Variants in IPO8 observed in about 807,000 individuals in gnomAD.
IPO8 encodes importin 8, also known as importin-8.
In IPO8, 65 loss-of-function variants were observed where a neutral mutation model predicts 141.2. That is an observed-to-expected ratio of 0.46 (90% CI 0.38 to 0.57). The LOEUF is 0.57. IPO8 is among the 20% of genes least tolerant of loss of function. IPO8 has a pLI of 0.00. For synonymous variants in IPO8, 411 were observed against 420.3 expected (o/e 0.98, Z 0.27); for missense variants, 980 against 1,246.8 (o/e 0.79, Z 3.22).
chr12:30,685,754 G>A (rs976449746), intron 2 of IPO8, among the ~76,000 whole-genome samples: 22 of 151,546 alleles, frequency 1.5e-4, no homozygotes, highest in African/African-American at 4.1e-4. Flanking sequence ...GTGAAACCCC[G>A]TCTCTACTAA....
intron 20 of IPO8, among the ~76,000 whole-genome samples, chr12:30,646,336 C>T (rs2052646323): frequency 6.6e-6 from 1 of 152,148 alleles, no homozygotes; most frequent in Non-Finnish European, 1.5e-5. Context: ...AAGTTAGCAA[C>T]AGTCAAGAAC....
intron 10 of IPO8, among the ~76,000 whole-genome samples, chr12:30,667,959 G>A (rs2052990574): frequency 6.6e-6 from 1 of 152,038 alleles, no homozygotes; most frequent in Non-Finnish European, 1.5e-5. Flanking sequence ...AATACAGGGA[G>A]ACCCTGTCTC....
intron 7 of IPO8, 43 bp from the exon 8 acceptor site, chr12:30,674,117 C>CA (rs1490298190): frequency 5.8e-6 from 7 of 1,205,166 alleles, no homozygotes; most frequent in Non-Finnish European, 8.5e-6. Context: ...GTGAATTTTA[C>CA]AAACAGCATG....
Position 30,663,526 on chromosome 12 carries a change from G to A in IPO8, c.1557C>T (p.Ala519=), listed in dbSNP as rs144184021. ...TAGAAATTAAAGACTGAAGAGCAAG[G>A]GCAGCTTCAACTTTGACAGGCATCT... ...DKEMPVKVEA[A]LALQSLISNQ... is the part of the protein sequence containing the mutation. The change falls in exon 14 of 25, where the codon GCC becomes GCT. Residue 519 remains alanine, a synonymous_variant. Coordinates refer to ENST00000256079, the MANE Select transcript of IPO8 (RefSeq NM_006390.4). The A allele has an allele frequency of 3.8e-4, 605 of 1,613,164 alleles. 3 individuals carry two copies. The East Asian group carries it at 0.013, about 34-fold the overall frequency.
At chr12:30,692,253 G>C (rs537672838) in intron 1 of IPO8, among the ~76,000 whole-genome samples, 1 of 152,266 alleles carries the variant, frequency 6.6e-6, no homozygotes, top group East Asian at 1.9e-4. Context: ...CTACTTATTT[G>C]AAAGTAATAT....
intron 20 of IPO8, among the ~76,000 whole-genome samples, chr12:30,642,424 C>A (rs1383626376): frequency 6.6e-6 from 1 of 151,706 alleles, no homozygotes; most frequent in African/African-American, 2.4e-5. Flanking sequence ...CATGTATCCC[C>A]CAAATCTAAA....
chr12:30,647,556 G>C (rs1196838548), intron 20 of IPO8, among the ~76,000 whole-genome samples: 1 of 117,866 alleles, frequency 8.5e-6, no homozygotes, highest in East Asian at 2.8e-4. Context: ...AGTGAGCCAA[G>C]ATTGTGCCAC....
intron 8 of IPO8, among the ~76,000 whole-genome samples, chr12:30,672,913 G>A (rs1218995952): frequency 6.6e-6 from 1 of 151,712 alleles, no homozygotes; most frequent in Non-Finnish European, 1.5e-5. Context: ...AAGACAACAG[G>A]TTCTAAGTAC....
chr12:30,680,424 T>A (rs550572910), intron 5 of IPO8, 58 bp downstream of exon 5: 1 of 1,360,986 alleles, frequency 7.3e-7, no homozygotes, highest in African/African-American at 1.5e-5. Flanking sequence ...TTGAGCACTT[T>A]CCATGTGTCA....
At position 30,662,672 on chromosome 12, in the gene IPO8, G is replaced by A. The variant is rs571615094; in HGVS notation, c.1595-185C>T. 2.3e-4 allele frequency: 142 copies of A among 616,736 alleles called. 2 individuals carry two copies. The South Asian group carries it at 2.6e-3, about 11-fold the overall frequency. The allele number at this position is 616,736 out of a possible 1,614,324, so 38.2% of individuals were successfully genotyped here. ...GTTCACCAATATATCAGTTTCCCAA[G>A]AGTAATATAAGGATAAGAAGTCCTG... On this transcript the variant is annotated intron_variant, in intron 14 of 24. Transcript: ENST00000256079.
intron 5 of IPO8, 38 bp from the exon 6 acceptor site, chr12:30,676,625 C>T (rs762438905): frequency 2.7e-5 from 39 of 1,447,406 alleles, no homozygotes; most frequent in Non-Finnish European, 3.5e-5. Context: ...GTAATTCCTC[C>T]CATCCAAAAA....
At chr12:30,672,151 G>A (rs2053060664) in intron 8 of IPO8, among the ~76,000 whole-genome samples, 1 of 152,152 alleles carries the variant, frequency 6.6e-6, no homozygotes, top group African/African-American at 2.4e-5. Flanking sequence ...ACTACAGTAA[G>A]TTGCCTTCCA....
chr12:30,653,075 G>T lies in IPO8; in HGVS notation c.1966C>A (p.Leu656Ile), dbSNP rs748079950. 4.4e-6 allele frequency: 7 copies of T among 1,608,110 alleles called. No homozygotes were observed. The Admixed American group carries it at 1.0e-4, about 24-fold the overall frequency. The change falls in exon 18 of 25, where the codon CTT becomes ATT. Residue 656 changes from leucine to isoleucine, a missense_variant. By Grantham distance (5) the Leu-to-Ile change is conservative. Coordinates refer to ENST00000256079, the MANE Select transcript of IPO8 (RefSeq NM_006390.4). ...KHVIEFYEEI[L>I]SLAYSLTCHS... ...CAGGTTAAACTGTATGCCAGGGAAA[G>T]AATTTCTTCATAGAATTCTAGAAGA...
Position 30,695,820 on chromosome 12 carries a change from C to T in IPO8, c.-173G>A. On this transcript the variant is annotated 5_prime_UTR_variant, in exon 1 of 25. Transcript: ENST00000256079. The surrounding 1 kb of genome is among the most constrained non-coding windows in gnomAD (Gnocchi z 4.2). ...CTGCGCCACTCTGACTCCGCGCCCC[C>T]TGTCCTCCCTTTTTCCCCCCCACAA... The T allele has an allele frequency of 1.8e-6, 1 of 556,148 alleles. No individual in the cohort carries two copies. The highest frequency in any genetic ancestry group is 3.2e-6 in the Non-Finnish European group (1 of 311,710). 34.5% of individuals were successfully genotyped at this position (556,148 alleles called of 1,614,324 possible).
intron 8 of IPO8, among the ~76,000 whole-genome samples, chr12:30,671,440 G>A (rs1461811236): frequency 1.3e-5 from 2 of 152,028 alleles, no homozygotes; most frequent in Admixed American, 6.5e-5. Flanking sequence ...TTGGGAGGCC[G>A]AGGCGGGCGG....
chr12:30,684,505 T>C lies in IPO8; in HGVS notation c.167-48A>G. ...ATGTAGCAGTACCAAAAAGGATGGC[T>C]TTAATTCAGCCTTACAGAGCATGAA... On this transcript the variant is annotated intron_variant, in intron 2 of 24. Transcript: ENST00000256079. The C allele has an allele frequency of 2.5e-6, 4 of 1,584,298 alleles. No individual in the cohort carries two copies. In the South Asian group the frequency reaches 4.5e-5, roughly 18 times the overall value.
At chr12:30,636,894 T>C in intron 22 of IPO8, 88 bp downstream of exon 22, 3 of 1,107,716 alleles carry the variant, frequency 2.7e-6, no homozygotes, top group South Asian at 1.4e-5. Context: ...TAAATCTGTT[T>C]AATGTCTCCA....
chr12:30,658,876 CTTTTTTTTTTT>C (rs11337753), intron 16 of IPO8, among the ~76,000 whole-genome samples: 3 of 90,188 alleles, frequency 3.3e-5, no homozygotes, highest in Admixed American at 1.2e-4. Flanking sequence ...AGTATCAAGC[CTTTTTTTTTTT>C]TTTTTTTTTT....
chr12:30,684,235 A>G, intron 3 of IPO8, 66 bp downstream of exon 3: 1 of 1,440,180 alleles, frequency 6.9e-7, no homozygotes, highest in Non-Finnish European at 9.6e-7. Flanking sequence ...TAGATCCAAC[A>G]GCACCCACCC....
Sources: allele counts gnomAD v4.1 joint callset (sites outside exome capture counted in the v4.1 genomes callset), GRCh38; gene constraint gnomAD v4.1.1; non-coding constraint Gnocchi (gnomAD v3.1); transcripts MANE v1.5; gene names NCBI Gene and HGNC (gene_info 2026-07-23, HGNC 2026-07-21).